PDGFD: variants seen among roughly 807,000 people sequenced by gnomAD.
PDGFD encodes the protein platelet-derived growth factor D.
In PDGFD, 30 loss-of-function variants were observed where a neutral mutation model predicts 44.7. The ratio of observed to expected loss-of-function variants is 0.67; its 90% CI spans 0.50 to 0.91. PDGFD has a LOEUF of 0.91. Among genes scored for constraint, PDGFD ranks in the 40% least tolerant of loss-of-function variants. The pLI is 0.00. For synonymous variants in PDGFD, 173 were observed against 168.4 expected, an observed-to-expected ratio of 1.03 and a Z score of -0.21; for missense variants, 445 against 457.8, an observed-to-expected ratio of 0.97 and a Z score of 0.25.
At chr11:104,018,021 A>G (rs562536520) in intron 1 of PDGFD, among the ~76,000 whole-genome samples, 54 of 152,294 alleles carry the variant, frequency 3.5e-4, no homozygotes, top group Non-Finnish European at 6.9e-4. Context: ...ATAAATGGGA[A>G]TGGAGGAAGG....
chr11:104,108,623 C>T (rs187224582), intron 1 of PDGFD, among the ~76,000 whole-genome samples: 1 of 152,302 alleles, frequency 6.6e-6, no homozygotes, highest in African/African-American at 2.4e-5. Flanking sequence ...CTAGTTCAAC[C>T]ACTGTAGAAG....
At chr11:104,024,514 A>G (rs1403202729) in intron 1 of PDGFD, among the ~76,000 whole-genome samples, 3 of 152,214 alleles carry the variant, frequency 2.0e-5, no homozygotes, top group Non-Finnish European at 4.4e-5. Context: ...CCATAAGATC[A>G]TAACATTGTA....
chr11:104,039,789 T>C (rs893246522), intron 1 of PDGFD, among the ~76,000 whole-genome samples: 19 of 152,166 alleles, frequency 1.2e-4, no homozygotes, highest in Admixed American at 1.0e-3. Flanking sequence ...GACAAAAATA[T>C]GCAAAGTCCT....
rs1003002522 is a variant in PDGFD, at chr11:104,046,158, T to C, written c.125-45903A>G. ...GAAAGGTAAATAAAACAAGGGTATA[T>C]CTGACAGAATTAAGGGAAAGGAGCA... On this transcript the variant is annotated intron_variant, in intron 1 of 6. Transcript: ENST00000393158. 7.5e-5 allele frequency among the ~76,000 whole-genome samples: 11 copies of C among 147,534 alleles called. 1 individual carries two copies. The highest frequency in any genetic ancestry group is 2.0e-4 in the Admixed American group (3 of 14,694).
chr11:104,115,482 G>T (rs1405782989), intron 1 of PDGFD, among the ~76,000 whole-genome samples: 1 of 151,834 alleles, frequency 6.6e-6, no homozygotes, highest in Non-Finnish European at 1.5e-5. Flanking sequence ...ATTGCTAATT[G>T]TGCTGGTATA....
chr11:104,087,146 A>G (rs1028400615), intron 1 of PDGFD, among the ~76,000 whole-genome samples: 2 of 145,444 alleles, frequency 1.4e-5, no homozygotes, highest in Non-Finnish European at 3.0e-5. Context: ...CCCCTGCCTC[A>G]GCCTCCCGAG....
At chr11:104,153,494 T>C (rs759716342) in intron 1 of PDGFD, among the ~76,000 whole-genome samples, 4 of 152,118 alleles carry the variant, frequency 2.6e-5, no homozygotes, top group Non-Finnish European at 4.4e-5. Context: ...AAAATTTAAC[T>C]GAGGAGGGTT....
At chr11:104,056,954 C>A (rs1346465961) in intron 1 of PDGFD, among the ~76,000 whole-genome samples, 1 of 152,016 alleles carries the variant, frequency 6.6e-6, no homozygotes, top group Non-Finnish European at 1.5e-5. Context: ...ATGGTGAAAC[C>A]CCGTGTCTAC....
At chr11:103,950,123 C>G (rs556505537) in intron 3 of PDGFD, among the ~76,000 whole-genome samples, 11 of 152,134 alleles carry the variant, frequency 7.2e-5, no homozygotes, top group Admixed American at 5.9e-4. Context: ...TGGGAAGTAT[C>G]AACACAAAAA....
intron 6 of PDGFD, among the ~76,000 whole-genome samples, chr11:103,926,123 G>A (rs1250439406): frequency 6.6e-6 from 1 of 152,166 alleles, no homozygotes; most frequent in African/African-American, 2.4e-5. Flanking sequence ...TCCTGGCTCT[G>A]TGATTTACTG....
At chr11:103,913,718 G>A (rs1366393902) in intron 6 of PDGFD, among the ~76,000 whole-genome samples, 1 of 152,160 alleles carries the variant, frequency 6.6e-6, no homozygotes, top group Non-Finnish European at 1.5e-5. Flanking sequence ...CCAGGAGCTG[G>A]TTTTTTGAAA....
intron 1 of PDGFD, among the ~76,000 whole-genome samples, chr11:104,151,944 C>T (rs1231437380): frequency 3.3e-5 from 5 of 151,964 alleles, no homozygotes; most frequent in Admixed American, 6.6e-5. Context: ...AAAAAAAAAT[C>T]CCAGGTCACA....
At chr11:103,984,229 A>G (rs1451200670) in intron 3 of PDGFD, among the ~76,000 whole-genome samples, 4 of 151,804 alleles carry the variant, frequency 2.6e-5, no homozygotes, top group African/African-American at 9.7e-5. Context: ...CAATGCAGCC[A>G]TAAAAAAGAA....
At chr11:104,086,073 T>C (rs543176011) in intron 1 of PDGFD, among the ~76,000 whole-genome samples, 29 of 152,270 alleles carry the variant, frequency 1.9e-4, no homozygotes, top group African/African-American at 5.8e-4. Context: ...CTGACTTCTA[T>C]GTGTGTAATG....
At chr11:104,131,486 C>T (rs1400808056) in intron 1 of PDGFD, among the ~76,000 whole-genome samples, 4 of 151,630 alleles carry the variant, frequency 2.6e-5, no homozygotes, top group Admixed American at 6.6e-5. Flanking sequence ...TTACTATTTC[C>T]CCCATAGCTC....
intron 1 of PDGFD, among the ~76,000 whole-genome samples, chr11:104,040,903 T>C (rs1212305301): frequency 1.3e-5 from 2 of 152,152 alleles, no homozygotes; most frequent in East Asian, 3.9e-4. Flanking sequence ...AAATTATATT[T>C]TATGTATCCC....
intron 4 of PDGFD, 79 bp downstream of exon 4, chr11:103,947,583 G>T: frequency 9.5e-7 from 1 of 1,049,026 alleles, no homozygotes; most frequent in Non-Finnish European, 1.5e-6. Context: ...GGTCCTTAAT[G>T]CAGGTGAAGT....
At chr11:104,156,065 CA>C (rs1438374052) in intron 1 of PDGFD, among the ~76,000 whole-genome samples, 11 of 152,090 alleles carry the variant, frequency 7.2e-5, no homozygotes, top group Non-Finnish European at 1.2e-4. Context: ...TATCATCACA[CA>C]AAAAAGGTAA....
chr11:104,061,832 G>A (rs950129593), intron 1 of PDGFD, among the ~76,000 whole-genome samples: 5 of 152,064 alleles, frequency 3.3e-5, no homozygotes, highest in South Asian at 4.2e-4. Context: ...GGTCTTGAAC[G>A]CCTGGCCTCA....
Sources: allele counts gnomAD v4.1 joint callset (sites outside exome capture counted in the v4.1 genomes callset), GRCh38; gene constraint gnomAD v4.1.1; transcripts MANE v1.5; gene names NCBI Gene and HGNC (gene_info 2026-07-23, HGNC 2026-07-21).